The following GALNT18 variants were observed in gnomAD, a reference collection of about 807,000 sequenced individuals.
GALNT18 encodes the protein GalNAc-transferase 18.
In GALNT18, 44 loss-of-function variants were observed where a neutral mutation model predicts 69.5. That is an observed-to-expected ratio of 0.63 (90% confidence interval 0.50 to 0.81). The LOEUF (loss-of-function observed/expected upper bound fraction) is 0.81. GALNT18 is among the 40% of genes least tolerant of loss of function. The probability of loss-of-function intolerance (pLI) is 0.00; values close to 1 mark genes in which losing one functional copy is unlikely to be tolerated. For synonymous variants in GALNT18, 364 were observed against 318.2 expected (o/e 1.14, Z -1.53); for missense variants, 715 against 810.0 (o/e 0.88, Z 1.42).
intron 3 of GALNT18, among the ~76,000 whole-genome samples, chr11:11,425,444 G>C (rs185377312): frequency 2.6e-5 from 4 of 152,224 alleles, no homozygotes; most frequent in Admixed American, 1.3e-4. Flanking sequence ...CCAGGGTATG[G>C]GATTCTTAAA....
chr11:11,306,841 G>A (rs890405337), intron 9 of GALNT18, among the ~76,000 whole-genome samples: 3 of 150,788 alleles, frequency 2.0e-5, no homozygotes, highest in Non-Finnish European at 4.4e-5. Flanking sequence ...CCCTTTATCC[G>A]AGTCTGGGCT....
At chr11:11,294,581 G>A (rs1044628555) in intron 9 of GALNT18, among the ~76,000 whole-genome samples, 1 of 146,678 alleles carries the variant, frequency 6.8e-6, no homozygotes, top group South Asian at 2.2e-4. Flanking sequence ...AAAACTCAAC[G>A]CTCCTACTGT....
In GALNT18 at chr11:11,538,726, TTTG is replaced by T. The variant is rs1857841111; in HGVS notation, c.235+82630_235+82632del. 6.6e-6 allele frequency among the ~76,000 whole-genome samples: 1 copy of T among 152,110 alleles called. No individual in the cohort carries two copies. The highest frequency in any genetic ancestry group is 2.4e-5 in the African/African-American group (1 of 41,434). On this transcript the variant is annotated intron_variant, in intron 1 of 10. Transcript: ENST00000227756. This position sits in a 1 kb window ranked among gnomAD's most constrained non-coding sequence, Gnocchi z 5.2. ...GACCTTAACAGGGCCTCACTGGGCC[TTTG>T]GAAGGATTAAGTGAGGCGCCATCTG...
In GALNT18 at chr11:11,332,556, G is replaced by A. The variant is rs189232933; in HGVS notation, c.1416+138C>T. The A allele has an allele frequency of 1.1e-4, 100 of 911,542 alleles. No homozygotes were observed. The African/African-American group carries it at 1.3e-3, about 12-fold the overall frequency. The allele number at this position is 911,542 out of a possible 1,614,324, so 56.5% of individuals were successfully genotyped here. ...AAGTAAAGGCTGTCTTGCAGGTGCA[G>A]AACCCAGCGCCCGGTCCCCAGGCCT... On this transcript the variant is annotated intron_variant, in intron 8 of 10. Transcript: ENST00000227756. This position sits in a 1 kb window ranked among gnomAD's most constrained non-coding sequence, Gnocchi z 4.3.
At chr11:11,311,834 G>C (rs964361878) in intron 9 of GALNT18, among the ~76,000 whole-genome samples, 1 of 152,206 alleles carries the variant, frequency 6.6e-6, no homozygotes, top group Non-Finnish European at 1.5e-5. Context: ...CAATAACAGT[G>C]ATTACCTGGT....
At position 11,319,188 on chromosome 11, in the gene GALNT18, G is replaced by A. The variant is rs188404582; in HGVS notation, c.1512+7898C>T. Reference sequence around the variant, plus strand: ...CTTACAAAGTCAGCAAGATGAACGGGGCCAGCCTGCAGTCCTGCCTTCTTG... The same window carrying A: ...CTTACAAAGTCAGCAAGATGAACGGAGCCAGCCTGCAGTCCTGCCTTCTTG... On this transcript the variant is annotated intron_variant, in intron 9 of 10. Coordinates refer to ENST00000227756, the MANE Select transcript of GALNT18 (RefSeq NM_198516.3). Among the ~76,000 whole-genome samples the A allele has an allele frequency of 2.9e-3, 436 of 151,272 alleles. 2 individuals are homozygous for A. Among genetic ancestry groups the A allele is most frequent in the South Asian group, 8.6e-3 (41 of 4,780 alleles).
chr11:11,615,476 T>C (rs919489424), intron 1 of GALNT18, among the ~76,000 whole-genome samples: 1 of 152,196 alleles, frequency 6.6e-6, no homozygotes, highest in Non-Finnish European at 1.5e-5. Flanking sequence ...AGTCACATAA[T>C]GTAATACATT....
intron 10 of GALNT18, among the ~76,000 whole-genome samples, chr11:11,292,036 C>T (rs1447807271): frequency 2.0e-5 from 3 of 152,130 alleles, no homozygotes; most frequent in African/African-American, 7.2e-5. Flanking sequence ...CAGCCTCCAT[C>T]CTCACCAGGG....
chr11:11,292,966 C>G (rs760111423), intron 10 of GALNT18, 63 bp downstream of exon 10: 1 of 1,325,622 alleles, frequency 7.5e-7, no homozygotes, highest in Non-Finnish European at 9.8e-7. Context: ...TCCCTGGCCC[C>G]TGAGGCCACT....
intron 8 of GALNT18, among the ~76,000 whole-genome samples, chr11:11,330,824 A>C (rs1046651369): frequency 6.6e-6 from 1 of 152,192 alleles, no homozygotes; most frequent in African/African-American, 2.4e-5. Flanking sequence ...CAAGACCCAG[A>C]ATTGCAGTGG....
chr11:11,559,452 C>T (rs991810594), intron 1 of GALNT18, among the ~76,000 whole-genome samples: 9 of 152,158 alleles, frequency 5.9e-5, no homozygotes, highest in Admixed American at 2.6e-4. Flanking sequence ...TCTCTGTTTC[C>T]CCAGTGCTTA....
At chr11:11,416,641 T>G (rs1854864095) in intron 3 of GALNT18, among the ~76,000 whole-genome samples, 1 of 152,206 alleles carries the variant, frequency 6.6e-6, no homozygotes, top group African/African-American at 2.4e-5. Context: ...GATCTATTCC[T>G]GAGTTTTGTT....
chr11:11,352,298 G>T lies in GALNT18; in HGVS notation c.1093-11294C>A, dbSNP rs763611121. On this transcript the variant is annotated intron_variant, in intron 6 of 10. Coordinates refer to ENST00000227756, the MANE Select transcript of GALNT18 (RefSeq NM_198516.3). ...GTTCCCATCGCTTTCGAGAGTGTCT[G>T]CCCAAGATATCATTGAAACGTGGAT... is the stretch of plus-strand genomic sequence containing the variant. 45 of 1,614,110 alleles carry T rather than the reference G, an allele frequency of 2.8e-5. No homozygotes were observed. The South Asian group carries it at 4.4e-4, about 16-fold the overall frequency.
intron 10 of GALNT18, among the ~76,000 whole-genome samples, chr11:11,290,849 T>A (rs1276620440): frequency 6.6e-6 from 1 of 151,904 alleles, no homozygotes; most frequent in Non-Finnish European, 1.5e-5. Context: ...CTCCATAGAC[T>A]CTGAAGACAG....
chr11:11,340,953 G>A lies in GALNT18; in HGVS notation c.1144C>T (p.His382Tyr), dbSNP rs1177201228. ...VEVLPCSRIA[H>Y]IERAHKPYTE... ...TAGGGCTTGTGGGCTCGCTCAATGTGGGCAATCCGTGAGCAGGGCAGGACC... is the reference window on the plus strand; with the variant it reads ...TAGGGCTTGTGGGCTCGCTCAATGTAGGCAATCCGTGAGCAGGGCAGGACC... The change falls in exon 7 of 11, where the codon CAC (histidine) becomes TAC (tyrosine). Residue 382 changes from histidine (H) to tyrosine (Y), a missense_variant. Coordinates refer to ENST00000227756, the MANE Select transcript of GALNT18 (RefSeq NM_198516.3). The surrounding 1 kb of genome is among the most constrained non-coding windows in gnomAD (Gnocchi z 4.2). The A allele has an allele frequency of 1.2e-6, 2 of 1,612,288 alleles. No homozygotes were observed. The highest frequency in any genetic ancestry group is 1.7e-6 in the Non-Finnish European group (2 of 1,179,202).
intron 1 of GALNT18, among the ~76,000 whole-genome samples, chr11:11,473,213 A>G (rs1001860849): frequency 6.6e-6 from 1 of 152,228 alleles, no homozygotes; most frequent in Non-Finnish European, 1.5e-5. Flanking sequence ...ATAGAATTCA[A>G]TAGGGCTACT....
chr11:11,368,688 A>G (rs896831222), intron 6 of GALNT18, among the ~76,000 whole-genome samples: 2 of 151,928 alleles, frequency 1.3e-5, no homozygotes, highest in East Asian at 1.9e-4. Context: ...TTCCATTTTT[A>G]TCCTACTATG....
At chr11:11,499,073 C>G (rs759935720) in intron 1 of GALNT18, among the ~76,000 whole-genome samples, 50 of 152,182 alleles carry the variant, frequency 3.3e-4, no homozygotes, top group Non-Finnish European at 5.0e-4. Context: ...TGCTTTATGC[C>G]AGCAACTTAC....
At chr11:11,285,686 T>C (rs1195983826) in intron 10 of GALNT18, among the ~76,000 whole-genome samples, 1 of 152,214 alleles carries the variant, frequency 6.6e-6, no homozygotes, top group Non-Finnish European at 1.5e-5. Flanking sequence ...TACTCGATTA[T>C]TGTCTTTTCA....
Sources: gnomAD v4.1 joint callset for allele counts (sites outside exome capture counted in the v4.1 genomes callset) on GRCh38, gnomAD v4.1.1 for gene constraint, Gnocchi (gnomAD v3.1) non-coding constraint, MANE v1.5 for transcripts, NCBI Gene and HGNC (gene_info 2026-07-23, HGNC 2026-07-21) for gene names.